The following TEX12 variants were observed in gnomAD, a reference collection of about 807,000 sequenced individuals.
TEX12 encodes the protein testis expressed 12, also known as testis-expressed protein 12.
A neutral mutation model predicts 14.6 loss-of-function variants in TEX12; 7 were observed. The ratio of observed to expected loss-of-function variants is 0.48; its 90% CI spans 0.27 to 0.90. The LOEUF is 0.90. Ranked by LOEUF, TEX12 falls within the 40% of genes least tolerant of loss-of-function variation. TEX12 has a pLI of 0.12. For missense variants in TEX12, 121 were observed against 135.7 expected, an observed-to-expected ratio of 0.89 and a Z score of 0.54; for synonymous variants, 57 against 49.1, an observed-to-expected ratio of 1.16 and a Z score of -0.67.
rs1157354163 is a variant in TEX12 at position 112,171,883 on chromosome 11, G to A, written c.339G>A (p.Arg113=). 4 of 1,581,646 alleles carry A rather than the reference G, an allele frequency of 2.5e-6. No homozygotes were observed. Among genetic ancestry groups the A allele is most frequent in the Non-Finnish European group, 3.4e-6 (4 of 1,166,872 alleles). ...AAAAAAGAGAGTTCCTGCGACAGAG[G>A]TTTACAGTGATTGCAAACACATTAC... The part of the protein sequence containing the change: ...LIQKREFLRQ[R]FTVIANTLHR The change falls in exon 5 of 5, where the codon AGG becomes AGA. Residue 113 remains arginine, a synonymous_variant. Coordinates refer to ENST00000280358, the MANE Select transcript of TEX12 (RefSeq NM_031275.4).
At chr11:112,170,256 T>C (rs1866774309) in intron 2 of TEX12, 163 bp from the exon 3 acceptor site, 1 of 503,794 alleles carries the variant, frequency 2.0e-6, no homozygotes, top group African/African-American at 2.0e-5. Flanking sequence ...CTTGGGCCTG[T>C]AAATTTCCTT....
chr11:112,168,429 TCA>T (rs543184378), intron 1 of TEX12, among the ~76,000 whole-genome samples: 82 of 151,762 alleles, frequency 5.4e-4, no homozygotes, highest in Non-Finnish European at 1.0e-3. Flanking sequence ...CTAATTTAGC[TCA>T]GTCTTACTGG....
chr11:112,172,111 G>A lies in TEX12; in HGVS notation c.*195G>A. On this transcript the variant is annotated 3_prime_UTR_variant, in exon 5 of 5. Transcript: ENST00000280358. The stretch of plus-strand genomic sequence containing the variant: ...TGTTAATATTAATGTTCATGTTAAT[G>A]TCCTAAGCTGGCCATTAACATGAAC... 6.5e-6 allele frequency: 2 copies of A among 309,826 alleles called. No individual in the cohort carries two copies. The highest frequency in any genetic ancestry group is 1.2e-5 in the Non-Finnish European group (2 of 171,844). The allele number at this position is 309,826 out of a possible 1,614,324, so 19.2% of individuals were successfully genotyped here.
intron 4 of TEX12, 88 bp downstream of exon 4, chr11:112,170,762 A>G: frequency 1.0e-6 from 1 of 1,003,508 alleles, no homozygotes; most frequent in Non-Finnish European, 1.5e-6. Context: ...TGTGGCTGCC[A>G]AACCTCTCCA....
At chr11:112,168,270 A>G (rs1276673873) in intron 1 of TEX12, among the ~76,000 whole-genome samples, 3 of 152,226 alleles carry the variant, frequency 2.0e-5, no homozygotes, top group African/African-American at 7.2e-5. Context: ...TCTCAAAGAC[A>G]CAGAGACTAT....
In TEX12 at chr11:112,171,854, A is replaced by G. The variant is rs778030502; in HGVS notation, c.310A>G (p.Ile104Val). 35 of 1,599,748 alleles carry G rather than the reference A, an allele frequency of 2.2e-5. No individual in the cohort carries two copies. In the South Asian group the frequency reaches 3.6e-4, roughly 17 times the overall value. Residue 104 changes from isoleucine to valine, a missense_variant, in exon 5 of 5, where the codon ATA becomes GTA. By Grantham distance (29) the Ile-to-Val change is conservative. Transcript: ENST00000280358. ...AGCCAATGCTATTGAAAACTTTCTA[A>G]TACAAAAAAGAGAGTTCCTGCGACA... ...KEANAIENFL[I>V]QKREFLRQRF... is the part of the protein sequence containing the mutation.
At chr11:112,170,600 CTT>C (rs763155830) in intron 3 of TEX12, 21 bp from the exon 4 acceptor site, 8 of 1,605,818 alleles carry the variant, frequency 5.0e-6, no homozygotes, top group South Asian at 1.1e-5. Flanking sequence ...TATTTTATAA[CTT>C]AAATGATTTT....
In TEX12 at chr11:112,170,540, A is replaced by G; in HGVS notation, c.175+10A>G. 1 of 1,595,666 alleles carries G rather than the reference A, an allele frequency of 6.3e-7. No homozygotes were observed. The highest frequency in any genetic ancestry group is 8.6e-7 in the Non-Finnish European group (1 of 1,164,160). On this transcript the variant is annotated intron_variant, in intron 3 of 4. Transcript: ENST00000280358. ...GAGAAAGATTTAAATGGTGATGTATAAAATGTTTATATTTCTAAACATCAG... is the reference window on the plus strand; with the variant it reads ...GAGAAAGATTTAAATGGTGATGTATGAAATGTTTATATTTCTAAACATCAG...
chr11:112,171,748 A>G, intron 4 of TEX12, 24 bp from the exon 5 acceptor site: 1 of 1,440,548 alleles, frequency 6.9e-7, no homozygotes, highest in Non-Finnish European at 9.2e-7. Flanking sequence ...ACTTAGTTTA[A>G]TATACAACTT....
At chr11:112,167,553 C>A (rs1400829990) in intron 1 of TEX12, 66 bp downstream of exon 1, 1 of 152,150 alleles carries the variant, frequency 6.6e-6, no homozygotes, top group Non-Finnish European at 1.5e-5. Context: ...GGAGGAAGTG[C>A]GGAGGGGCGG....
intron 2 of TEX12, 46 bp from the exon 3 acceptor site, chr11:112,170,373 G>C: frequency 7.7e-7 from 1 of 1,299,360 alleles, no homozygotes; most frequent in South Asian, 1.3e-5. Flanking sequence ...TATATGTCCT[G>C]AAGATCTTAT....
chr11:112,170,367 T>C (rs1866775252), intron 2 of TEX12, 52 bp from the exon 3 acceptor site: 2 of 1,219,072 alleles, frequency 1.6e-6, no homozygotes, highest in South Asian at 1.3e-5. Flanking sequence ...AAAATGTATA[T>C]GTCCTGAAGA....
intron 4 of TEX12, among the ~76,000 whole-genome samples, chr11:112,171,437 G>A (rs180976664): frequency 1.3e-5 from 2 of 151,932 alleles, no homozygotes; most frequent in East Asian, 3.9e-4. Context: ...TACTTTATTA[G>A]CCTAATATGT....
intron 4 of TEX12, 75 bp from the exon 5 acceptor site, chr11:112,171,697 A>T (rs934015180): frequency 3.3e-6 from 3 of 914,238 alleles, no homozygotes; most frequent in Non-Finnish European, 4.6e-6. Context: ...GTTAACAAAT[A>T]TTGTGTAATG....
rs1329067017 is a variant in TEX12 at position 112,172,159 on chromosome 11, T to G, written c.*243T>G. 2.7e-5 allele frequency: 6 copies of G among 226,254 alleles called. No homozygotes were observed. 14.0% of individuals were successfully genotyped at this position (226,254 alleles called of 1,614,324 possible). A position where few individuals can be genotyped will look rare whatever the true frequency, so the allele number is the denominator to read the frequency against. On this transcript the variant is annotated 3_prime_UTR_variant, in exon 5 of 5. Coordinates refer to ENST00000280358, the MANE Select transcript of TEX12 (RefSeq NM_031275.4). ...AACTACGTCACTTTTCTTTTGAGGG[T>G]CAAATATTTAGTGCATTTTATAGAA...
rs1866781727 is a variant in TEX12, at chr11:112,170,807, A to T, written c.227+133A>T. The stretch of plus-strand genomic sequence containing the variant: ...ACTTTGGAATTTTTTATTCTACCTC[A>T]GTCCCTTATAATAGATTAGTTGGTT... On this transcript the variant is annotated intron_variant, in intron 4 of 4. Coordinates refer to ENST00000280358, the MANE Select transcript of TEX12 (RefSeq NM_031275.4). The T allele has an allele frequency of 7.8e-6, 5 of 643,574 alleles. No individual in the cohort carries two copies. In the Admixed American group the frequency reaches 1.5e-4, roughly 19 times the overall value. 39.9% of individuals were successfully genotyped at this position (643,574 alleles called of 1,614,324 possible). A position where few individuals can be genotyped will look rare whatever the true frequency, so the allele number is the denominator to read the frequency against.
rs1275398960 is a variant in TEX12 at position 112,169,431 on chromosome 11, T to C, written c.63+100T>C. 3.5e-6 allele frequency: 3 copies of C among 858,330 alleles called. No individual in the cohort carries two copies. In the African/African-American group the frequency reaches 5.0e-5, roughly 14 times the overall value. The allele number at this position is 858,330 out of a possible 1,614,324, so 53.2% of individuals were successfully genotyped here. On this transcript the variant is annotated intron_variant, in intron 2 of 4. Transcript: ENST00000280358. Reference sequence around the variant, plus strand: ...AGCTCTATAGATAAGTGGGATTTAATGTATTCGTATGCCCAGAGCTAGGAT... The same window carrying C: ...AGCTCTATAGATAAGTGGGATTTAACGTATTCGTATGCCCAGAGCTAGGAT...
At position 112,171,813 on chromosome 11, in the gene TEX12, A is replaced by T; in HGVS notation, c.269A>T (p.Asp90Val). 1 of 1,592,076 alleles carries T rather than the reference A, an allele frequency of 6.3e-7. No individual in the cohort carries two copies. Among genetic ancestry groups the T allele is most frequent in the South Asian group, 1.2e-5 (1 of 86,466 alleles). The change falls in exon 5 of 5, where the codon GAT becomes GTT. Residue 90 changes from aspartate (D) to valine (V), a missense_variant. By Grantham distance (152) the Asp-to-Val change is radical (BLOSUM62 -3). Transcript: ENST00000280358. ...GATGCATCTTACATTGATGAGATAG[A>T]TGAACTCTTCAAAGAAGCCAATGCT... ...AVDASYIDEI[D>V]ELFKEANAIE...
At position 112,170,536 on chromosome 11, in the gene TEX12, G is replaced by T. The variant is rs184402971; in HGVS notation, c.175+6G>T. ...CTTGGAGAAAGATTTAAATGGTGAT[G>T]TATAAAATGTTTATATTTCTAAACA... is the stretch of plus-strand genomic sequence containing the variant. On this transcript the variant is annotated splice_donor_region_variant and intron_variant, in intron 3 of 4. Transcript: ENST00000280358. The T allele has an allele frequency of 2.5e-4, 401 of 1,595,898 alleles. 1 individual carries two copies. In the African/African-American group the frequency reaches 4.9e-3, roughly 19 times the overall value.
Sources: gnomAD v4.1 joint callset for allele counts (sites outside exome capture counted in the v4.1 genomes callset) on GRCh38, gnomAD v4.1.1 for gene constraint, MANE v1.5 for transcripts, NCBI Gene and HGNC (gene_info 2026-07-23, HGNC 2026-07-21) for gene names.